The following STRN variants were observed in gnomAD, a reference collection of about 807,000 sequenced individuals.
The protein encoded by STRN is protein phosphatase 2 regulatory subunit B'''alpha.
STRN carries 53 observed loss-of-function variants against 96.3 expected under a neutral mutation model. The observed-to-expected ratio is 0.55, with a 90% CI of 0.44 to 0.69. The LOEUF (loss-of-function observed/expected upper bound fraction) is 0.69. Among genes scored for constraint, STRN ranks in the 30% least tolerant of loss-of-function variants. The pLI is 0.00. For synonymous variants in STRN, 428 were observed against 355.9 expected (o/e 1.20, Z -2.28); for missense variants, 987 against 963.9 (o/e 1.02, Z -0.32).
At chr2:36,925,002 G>T in intron 2 of STRN, 103 bp downstream of exon 2, 1 of 1,025,170 alleles carries the variant, frequency 9.8e-7, no homozygotes, top group Non-Finnish European at 1.5e-6. Context: ...GTCGCGGTGA[G>T]CCAAGATCGT....
chr2:36,886,966 T>C (rs1451080517), intron 7 of STRN, 140 bp from the exon 8 acceptor site: 2 of 562,748 alleles, frequency 3.6e-6, no homozygotes, highest in Non-Finnish European at 3.0e-6. Flanking sequence ...ATTTTATATA[T>C]ATAAGTCACA....
At position 36,846,552 on chromosome 2, in the gene STRN, C is replaced by G. The variant is rs540534430; in HGVS notation, c.*2904G>C. The G allele has an allele frequency of 6.7e-6, 1 of 148,640 alleles. No individual in the cohort carries two copies. Among genetic ancestry groups the G allele is most frequent in the African/African-American group, 2.5e-5 (1 of 40,242 alleles). The allele number at this position is 148,640 out of a possible 1,614,324, so 9.2% of individuals were successfully genotyped here. A position where few individuals can be genotyped will look rare whatever the true frequency, so the allele number is the denominator to read the frequency against. ...CCAAAAGAAATTTATAGCAAGAATACTGAAGGAATGAAAGTCAGATTAAAA... is the reference window on the plus strand; with the variant it reads ...CCAAAAGAAATTTATAGCAAGAATAGTGAAGGAATGAAAGTCAGATTAAAA... On this transcript the variant is annotated 3_prime_UTR_variant, in exon 18 of 18. Transcript: ENST00000263918.
chr2:36,870,451 G>C (rs1028473745), intron 10 of STRN, among the ~76,000 whole-genome samples: 1 of 152,138 alleles, frequency 6.6e-6, no homozygotes, highest in Admixed American at 6.5e-5. Flanking sequence ...GGTAGCAAAA[G>C]TACAATCATG....
At chr2:36,944,466 C>T (rs1356464389) in intron 1 of STRN, among the ~76,000 whole-genome samples, 4 of 152,084 alleles carry the variant, frequency 2.6e-5, no homozygotes, top group African/African-American at 9.7e-5. Flanking sequence ...AAAATATATC[C>T]TTTAAAAATT....
At chr2:36,874,185 A>C (rs1668840402) in intron 10 of STRN, among the ~76,000 whole-genome samples, 2 of 151,832 alleles carry the variant, frequency 1.3e-5, no homozygotes, top group South Asian at 4.2e-4. Context: ...AAGGGCGTGA[A>C]CTCGGTAGGC....
In STRN at chr2:36,851,010, A is replaced by G. The variant is rs1446795403; in HGVS notation, c.2076T>C (p.Asp692=). 1.7e-5 allele frequency: 28 copies of G among 1,601,236 alleles called. No homozygotes were observed. Among genetic ancestry groups the G allele is most frequent in the Non-Finnish European group, 2.4e-5 (28 of 1,172,650 alleles). The part of the protein sequence containing the change: ...AHEDRHIKFY[D]NNTGKLIHSM... ...TTAATAAATTCTTACCTGTATTGTT[A>G]TCATAGAATTTGATGTGCCTGTCTT... Residue 692 remains aspartate, a synonymous_variant, in exon 16 of 18, where the codon GAT becomes GAC. Coordinates refer to ENST00000263918, the MANE Select transcript of STRN (RefSeq NM_003162.4).
At chr2:36,952,068 C>T (rs1030748570) in intron 1 of STRN, among the ~76,000 whole-genome samples, 1 of 152,126 alleles carries the variant, frequency 6.6e-6, no homozygotes. Flanking sequence ...CACACACACA[C>T]AATTGTGGCT....
At chr2:36,856,591 T>A (rs1379863115) in intron 14 of STRN, among the ~76,000 whole-genome samples, 2 of 152,206 alleles carry the variant, frequency 1.3e-5, no homozygotes, top group Middle Eastern at 6.8e-3. Context: ...TAATCTATGA[T>A]GAAAGAAATC....
At chr2:36,918,384 A>G (rs1338092496) in intron 2 of STRN, among the ~76,000 whole-genome samples, 1 of 152,136 alleles carries the variant, frequency 6.6e-6, no homozygotes, top group Non-Finnish European at 1.5e-5. Flanking sequence ...ACTGAATGTA[A>G]CTAGTCTGAA....
At chr2:36,866,844 A>C (rs1204536945) in intron 12 of STRN, among the ~76,000 whole-genome samples, 1 of 151,638 alleles carries the variant, frequency 6.6e-6, no homozygotes, top group Admixed American at 6.6e-5. Flanking sequence ...TAGAGTAGCA[A>C]CTCCTGCTTT....
At chr2:36,933,230 TATAA>T (rs1377007770) in intron 1 of STRN, among the ~76,000 whole-genome samples, 1 of 152,188 alleles carries the variant, frequency 6.6e-6, no homozygotes, top group Non-Finnish European at 1.5e-5. Context: ...CATTAAGTAT[TATAA>T]ATAATCTAGA....
At chr2:36,942,849 C>T (rs1176745878) in intron 1 of STRN, among the ~76,000 whole-genome samples, 1 of 151,890 alleles carries the variant, frequency 6.6e-6, no homozygotes, top group African/African-American at 2.4e-5. Flanking sequence ...GCACGCAACA[C>T]CACACCCAGC....
At chr2:36,922,540 A>AAAT (rs1558654294) in intron 2 of STRN, among the ~76,000 whole-genome samples, 3 of 150,762 alleles carry the variant, frequency 2.0e-5, no homozygotes, top group Admixed American at 6.6e-5. Flanking sequence ...AAAAAAAAAA[A>AAAT]ATTAAACCTC....
intron 1 of STRN, among the ~76,000 whole-genome samples, chr2:36,954,705 C>T (rs1009472491): frequency 6.6e-6 from 1 of 150,720 alleles, no homozygotes; most frequent in Non-Finnish European, 1.5e-5. Context: ...GGCGTGATCT[C>T]GGCTCACTGC....
At chr2:36,895,803 A>G (rs1455902926) in intron 6 of STRN, among the ~76,000 whole-genome samples, 1 of 151,364 alleles carries the variant, frequency 6.6e-6, no homozygotes, top group Non-Finnish European at 1.5e-5. Context: ...GGGCACCTGT[A>G]GTCCCAGCTA....
Position 36,838,246 on chromosome 2 carries a change from G to T in STRN, c.*11210C>A, listed in dbSNP as rs1454230603. ...GATCAGATTTGACAGTCAGCTAGGA[G>T]ACAGGGACCTCCATCCTCTGACTTT... On this transcript the variant is annotated 3_prime_UTR_variant, in exon 18 of 18. Transcript: ENST00000263918. Among the ~76,000 whole-genome samples the T allele has an allele frequency of 2.0e-5, 3 of 152,228 alleles. No individual in the cohort carries two copies. Among genetic ancestry groups the T allele is most frequent in the African/African-American group, 7.2e-5 (3 of 41,470 alleles).
In STRN at chr2:36,837,703, T is replaced by C. The variant is rs904030822; in HGVS notation, c.*11753A>G. Among the ~76,000 whole-genome samples the C allele has an allele frequency of 6.6e-6, 1 of 152,154 alleles. No homozygotes were observed. The highest frequency in any genetic ancestry group is 1.5e-5 in the Non-Finnish European group (1 of 68,026). On this transcript the variant is annotated 3_prime_UTR_variant, in exon 18 of 18. Coordinates refer to ENST00000263918, the MANE Select transcript of STRN (RefSeq NM_003162.4). ...AAATATGCAATTCACTCAAGTGAAA[T>C]TCAAAAGGCAAAGTTTTATTTGGAA...
intron 1 of STRN, among the ~76,000 whole-genome samples, chr2:36,965,132 A>G (rs1665127567): frequency 6.6e-6 from 1 of 152,188 alleles, no homozygotes; most frequent in Non-Finnish European, 1.5e-5. Flanking sequence ...TTAAGCGCCA[A>G]ATACATGTTA....
chr2:36,883,377 A>C (rs1669126289), intron 9 of STRN, among the ~76,000 whole-genome samples: 1 of 152,162 alleles, frequency 6.6e-6, no homozygotes, highest in Admixed American at 6.5e-5. Context: ...GAATCACTTG[A>C]ACCTGGGAGG....
Sources: allele counts gnomAD v4.1 joint callset (sites outside exome capture counted in the v4.1 genomes callset), GRCh38; gene constraint gnomAD v4.1.1; transcripts MANE v1.5; gene names NCBI Gene and HGNC (gene_info 2026-07-23, HGNC 2026-07-21).